Variants in SULF2 observed in about 807,000 individuals in gnomAD.
The protein encoded by SULF2 is sulfatase 2.
A neutral mutation model predicts 107.7 loss-of-function variants in SULF2; 52 were observed. The observed-to-expected ratio is 0.48, with a 90% CI of 0.39 to 0.61. The LOEUF (loss-of-function observed/expected upper bound fraction) is 0.61. SULF2 is among the 20% of genes least tolerant of loss of function. SULF2 has a pLI of 0.00. For synonymous variants in SULF2, 460 were observed against 464.3 expected (o/e 0.99, Z 0.12); for missense variants, 993 against 1,177.3 (o/e 0.84, Z 2.29).
intron 1 of SULF2, among the ~76,000 whole-genome samples, chr20:47,773,854 A>C (rs989872964): frequency 5.3e-5 from 8 of 152,056 alleles, no homozygotes; most frequent in Admixed American, 5.2e-4. Context: ...AGCCCTGCTT[A>C]CCCCCACAGA....
At chr20:47,661,742 C>T (rs2146383373) in intron 18 of SULF2, 31 bp downstream of exon 18, 1 of 1,500,664 alleles carries the variant, frequency 6.7e-7, no homozygotes, top group African/African-American at 1.4e-5. Flanking sequence ...ACCCTGCTGT[C>T]CAAGGGCCCC....
At chr20:47,736,315 C>T (rs2089728647) in intron 3 of SULF2, among the ~76,000 whole-genome samples, 1 of 152,162 alleles carries the variant, frequency 6.6e-6, no homozygotes, top group African/African-American at 2.4e-5. Flanking sequence ...CATCCCCCAC[C>T]CCTATGTTTT....
At chr20:47,774,204 A>G (rs74545940) in intron 1 of SULF2, among the ~76,000 whole-genome samples, 3,224 of 152,334 alleles carry the variant, frequency 0.021, 107 homozygotes, top group African/African-American at 0.07. Flanking sequence ...TGTGCAATCT[A>G]ATTAGCAGCC....
chr20:47,663,046 C>T, intron 17 of SULF2, 24 bp downstream of exon 17: 1 of 1,613,886 alleles, frequency 6.2e-7, no homozygotes, highest in Admixed American at 1.7e-5. Flanking sequence ...ACACCCCCAT[C>T]CCTCTAGCTC....
At chr20:47,763,198 T>C (rs1201531326) in intron 1 of SULF2, among the ~76,000 whole-genome samples, 1 of 152,162 alleles carries the variant, frequency 6.6e-6, no homozygotes, top group Non-Finnish European at 1.5e-5. Context: ...CTCCTCTCCA[T>C]CCTGAGTCTT....
intron 1 of SULF2, among the ~76,000 whole-genome samples, chr20:47,763,765 C>T (rs1302057817): frequency 1.3e-5 from 2 of 152,178 alleles, no homozygotes; most frequent in Non-Finnish European, 2.9e-5. Flanking sequence ...GAGAATCCTG[C>T]CTGGATTCCA....
chr20:47,731,186 T>TTTTTTTTG (rs2089595791), intron 3 of SULF2, among the ~76,000 whole-genome samples: 1 of 78,116 alleles, frequency 1.3e-5, no homozygotes, highest in Non-Finnish European at 2.4e-5. Flanking sequence ...CTGTATCTTC[T>TTTTTTTTG]CTTTTTTTTT....
rs566970326 is a variant in SULF2 at position 47,767,030 on chromosome 20, T to C, written c.-100-9567A>G. ...GGACAGAGGTAAGCAAACAGCCTGA[T>C]ACTTACTTGGGGGAAAATGCCACAG... On this transcript the variant is annotated intron_variant, in intron 1 of 20. Coordinates refer to ENST00000688720, the MANE Select transcript of SULF2 (RefSeq NM_001387048.1). 3.3e-5 allele frequency among the ~76,000 whole-genome samples: 5 copies of C among 151,728 alleles called. No individual in the cohort carries two copies. In the South Asian group the frequency reaches 1.0e-3, roughly 32 times the overall value.
intron 4 of SULF2, among the ~76,000 whole-genome samples, chr20:47,693,138 AAT>A (rs2088254940): frequency 2.0e-5 from 3 of 152,242 alleles, no homozygotes; most frequent in Admixed American, 6.5e-5. Context: ...ACATAAAAAT[AAT>A]ATATGTTATA....
In SULF2 at chr20:47,683,149, C is replaced by T; in HGVS notation, c.909G>A (p.Glu303=). 6.2e-7 allele frequency: 1 copy of T among 1,604,944 alleles called. No homozygotes were observed. The highest frequency in any genetic ancestry group is 8.5e-7 in the Non-Finnish European group (1 of 1,173,122). ...TGTACGTGTTGTCCAGCTCGCCCGTCTCAACCAGCATGTTGTAAATCTGCA... is the reference window on the plus strand; with the variant it reads ...TGTACGTGTTGTCCAGCTCGCCCGTTTCAACCAGCATGTTGTAAATCTGCA... ...SMETIYNMLV[E]TGELDNTYIV... The change falls in exon 7 of 21, where the codon GAG becomes GAA. Residue 303 remains glutamate (E), a synonymous_variant. Transcript: ENST00000688720.
At chr20:47,711,173 G>A (rs550571981) in intron 3 of SULF2, among the ~76,000 whole-genome samples, 17 of 152,324 alleles carry the variant, frequency 1.1e-4, no homozygotes, top group African/African-American at 3.4e-4. Flanking sequence ...CCGCCATGCC[G>A]GGCCGGCGTA....
chr20:47,779,288 C>G (rs151042764), intron 1 of SULF2, among the ~76,000 whole-genome samples: 2 of 152,174 alleles, frequency 1.3e-5, no homozygotes, highest in Non-Finnish European at 1.5e-5. Flanking sequence ...ATACTGTCTC[C>G]GGATAGTGTT....
chr20:47,723,765 A>G (rs2089361710), intron 3 of SULF2, among the ~76,000 whole-genome samples: 2 of 152,190 alleles, frequency 1.3e-5, no homozygotes, highest in Non-Finnish European at 2.9e-5. Context: ...GCAGGAAAAC[A>G]AGCTCGGGCT....
chr20:47,683,076 C>G lies in SULF2; in HGVS notation c.982G>C (p.Val328Leu). 6.2e-7 allele frequency: 1 copy of G among 1,613,712 alleles called. No individual in the cohort carries two copies. ...TCATATGGCATGGATTTCCCTTTCA[C>G]CAGGCCAAACTGGCCGATGTGGTAA... The part of the protein sequence containing the change: ...HGYHIGQFGL[V>L]KGKSMPYEFD... The change falls in exon 7 of 21, where the codon GTG (valine) becomes CTG (leucine). Residue 328 changes from valine to leucine, a missense_variant. Val to Leu is a conservative substitution (Grantham distance 32). Transcript: ENST00000688720.
At chr20:47,673,718 A>G (rs2087551170) in intron 10 of SULF2, among the ~76,000 whole-genome samples, 2 of 152,200 alleles carry the variant, frequency 1.3e-5, no homozygotes, top group Non-Finnish European at 2.9e-5. Flanking sequence ...GCCAGCAGGC[A>G]TGGCCCTGAA....
At chr20:47,718,221 C>G (rs2089184139) in intron 3 of SULF2, among the ~76,000 whole-genome samples, 1 of 152,128 alleles carries the variant, frequency 6.6e-6, no homozygotes, top group Non-Finnish European at 1.5e-5. Flanking sequence ...CCTTCCAGCT[C>G]AGTTTTCTCA....
intron 2 of SULF2, among the ~76,000 whole-genome samples, chr20:47,754,412 C>T (rs1284037578): frequency 6.6e-6 from 1 of 152,186 alleles, no homozygotes; most frequent in Non-Finnish European, 1.5e-5. Context: ...TTGGGACATG[C>T]ATTATTGATC....
intron 17 of SULF2, among the ~76,000 whole-genome samples, chr20:47,662,337 CT>C (rs1166017048): frequency 6.6e-6 from 1 of 152,152 alleles, no homozygotes; most frequent in Non-Finnish European, 1.5e-5. Flanking sequence ...CGGTGAGGGA[CT>C]TAACCTACCC....
At chr20:47,708,098 T>G (rs1318208747) in intron 3 of SULF2, among the ~76,000 whole-genome samples, 1 of 152,230 alleles carries the variant, frequency 6.6e-6, no homozygotes, top group Non-Finnish European at 1.5e-5. Flanking sequence ...TCCCAGGCAC[T>G]GGAATCACAG....
Sources: gnomAD v4.1 joint callset for allele counts (sites outside exome capture counted in the v4.1 genomes callset) on GRCh38, gnomAD v4.1.1 for gene constraint, MANE v1.5 for transcripts, NCBI Gene and HGNC (gene_info 2026-07-23, HGNC 2026-07-21) for gene names.